The following PCNX1 variants were observed in gnomAD, a reference collection of about 807,000 sequenced individuals.
PCNX1 encodes pecanex-like protein 1.
A neutral mutation model predicts 242.2 loss-of-function variants in PCNX1; 78 were observed. The observed-to-expected ratio is 0.32, with a 90% confidence interval of 0.27 to 0.39. The LOEUF is 0.39. Ranked by LOEUF, PCNX1 falls within the 10% of genes least tolerant of loss-of-function variation. The probability of loss-of-function intolerance (pLI) is 1.00; values close to 1 mark genes in which losing one functional copy is unlikely to be tolerated. For synonymous variants in PCNX1, 1,024 were observed against 1,032.9 expected (o/e 0.99, Z 0.17); for missense variants, 2,581 against 2,856.5 (o/e 0.90, Z 2.20).
intron 12 of PCNX1, among the ~76,000 whole-genome samples, chr14:71,022,559 TGTATG>T (rs2060132929): frequency 6.6e-6 from 1 of 152,126 alleles, no homozygotes; most frequent in South Asian, 2.1e-4. Flanking sequence ...CTAGTGAAAT[TGTATG>T]GTATGCCATT....
At position 71,110,242 on chromosome 14, in the gene PCNX1, TA is replaced by T; in HGVS notation, c.*310del. 1 of 368,842 alleles carries T rather than the reference TA, an allele frequency of 2.7e-6. No homozygotes were observed. Among genetic ancestry groups the T allele is most frequent in the South Asian group, 2.5e-5 (1 of 40,742 alleles). 22.8% of individuals were successfully genotyped at this position (368,842 alleles called of 1,614,324 possible). On this transcript the variant is annotated 3_prime_UTR_variant, in exon 36 of 36. Transcript: ENST00000304743. The stretch of plus-strand genomic sequence containing the variant: ...TTTTTCCTATGCATTGCCTATGCTT[TA>T]AATCAACAAACTCTTCATTTCTAAA...
rs1555379088 is a variant in PCNX1, at chr14:71,098,553, T to TGAGA, written c.5590-3424_5590-3421dup. 2.3e-3 allele frequency among the ~76,000 whole-genome samples: 294 copies of TGAGA among 125,704 alleles called. 1 individual carries two copies. Among genetic ancestry groups the TGAGA allele is most frequent in the South Asian group, 3.4e-3 (13 of 3,838 alleles). 82.5% of individuals were successfully genotyped at this position (125,704 alleles called of 152,430 possible). A position where few individuals can be genotyped will look rare whatever the true frequency, so the allele number is the denominator to read the frequency against. On this transcript the variant is annotated intron_variant, in intron 30 of 35. Coordinates refer to ENST00000304743, the MANE Select transcript of PCNX1 (RefSeq NM_014982.3). ...GTGTGTGTGTGTGTGTGTGTGTGTG[T>TGAGA]GAGAGAGAGAGAGAGAACATTGTAG...
Position 71,028,710 on chromosome 14 carries a change from C to G in PCNX1, c.3477C>G (p.Ser1159Arg). 6.2e-7 allele frequency: 1 copy of G among 1,602,004 alleles called. No individual in the cohort carries two copies. Among genetic ancestry groups the G allele is most frequent in the Non-Finnish European group, 8.5e-7 (1 of 1,173,562 alleles). Residue 1159 changes from serine (S) to arginine (R), a missense_variant, in exon 16 of 36, where the codon AGC becomes AGG. This residue lies in a region of PCNX1 where 432 missense variants were observed against 443.1 expected (regional missense o/e 0.97). Coordinates refer to ENST00000304743, the MANE Select transcript of PCNX1 (RefSeq NM_014982.3). ...IHIFGGNATT[S>R]LLAALYSFIC... ...CCTTTTCCTGTCTAGCCACTACAAG[C>G]CTGCTTGCAGCACTTTACAGTTTTA...
At chr14:70,981,927 T>C (rs2058851706) in intron 6 of PCNX1, among the ~76,000 whole-genome samples, 1 of 152,200 alleles carries the variant, frequency 6.6e-6, no homozygotes, top group African/African-American at 2.4e-5. Context: ...GTGCTTTTTT[T>C]CTGAATTGTT....
intron 8 of PCNX1, among the ~76,000 whole-genome samples, chr14:70,998,300 A>C (rs2059410040): frequency 6.6e-6 from 1 of 152,214 alleles, no homozygotes; most frequent in Non-Finnish European, 1.5e-5. Flanking sequence ...AGAGAACATC[A>C]GACATCATGG....
chr14:71,067,227 G>C (rs528517976), intron 26 of PCNX1, among the ~76,000 whole-genome samples: 2 of 152,224 alleles, frequency 1.3e-5, no homozygotes, highest in South Asian at 4.1e-4. Flanking sequence ...ATTCGGCTGT[G>C]AATCTGTCCA....
chr14:70,932,512 G>T (rs761323434), intron 1 of PCNX1, among the ~76,000 whole-genome samples: 1 of 152,000 alleles, frequency 6.6e-6, no homozygotes, highest in Admixed American at 6.5e-5. Flanking sequence ...TGTGCTAACA[G>T]ACTCTGTTCC....
chr14:71,026,258 G>C lies in PCNX1; in HGVS notation c.3325G>C (p.Val1109Leu), dbSNP rs1228095827. The C allele has an allele frequency of 6.2e-7, 1 of 1,607,514 alleles. No homozygotes were observed. The highest frequency in any genetic ancestry group is 1.7e-5 in the Admixed American group (1 of 59,514). ...LYGITFTNPLVFISARDLVIV... is the reference protein window; with the variant it reads ...LYGITFTNPLLFISARDLVIV... ...TGGAATAACTTTCACCAATCCACTG[G>C]TGTTTATATCAGCCAGGGATTTAGT... is the stretch of plus-strand genomic sequence containing the variant. Residue 1109 changes from valine (V) to leucine (L), a missense_variant, in exon 14 of 36, where the codon GTG (valine) becomes CTG (leucine). This residue lies in a region of PCNX1 where 432 missense variants were observed against 443.1 expected (regional missense o/e 0.97). Transcript: ENST00000304743.
At chr14:71,049,486 TTTACATATTG>T (rs1484392925) in intron 22 of PCNX1, among the ~76,000 whole-genome samples, 2 of 152,216 alleles carry the variant, frequency 1.3e-5, no homozygotes, top group Non-Finnish European at 2.9e-5. Context: ...CCTACCATCC[TTTACATATTG>T]TTACATATTG....
intron 7 of PCNX1, among the ~76,000 whole-genome samples, chr14:70,992,638 GA>G (rs1312075400): frequency 1.3e-5 from 2 of 152,200 alleles, no homozygotes; most frequent in Non-Finnish European, 2.9e-5. Flanking sequence ...ATTCATAGTA[GA>G]AAAGTTAACA....
At position 70,907,721 on chromosome 14, in the gene PCNX1, C is replaced by T. The variant is rs1240007215; in HGVS notation, c.-130C>T. ...GCAGCACCAGCGACCGCCGAAGCGC[C>T]GGCTCGCTCACCCGGAGCTCCGGAG... On this transcript the variant is annotated 5_prime_UTR_variant, in exon 1 of 36. Coordinates refer to ENST00000304743, the MANE Select transcript of PCNX1 (RefSeq NM_014982.3). 27 of 1,107,438 alleles carry T rather than the reference C, an allele frequency of 2.4e-5. No individual in the cohort carries two copies. The highest frequency in any genetic ancestry group is 2.9e-5 in the Non-Finnish European group (26 of 893,342). The allele number at this position is 1,107,438 out of a possible 1,614,324, so 68.6% of individuals were successfully genotyped here.
intron 33 of PCNX1, 51 bp downstream of exon 33, chr14:71,105,491 G>C (rs767147856): frequency 7.2e-7 from 1 of 1,388,028 alleles, no homozygotes; most frequent in Non-Finnish European, 1.0e-6. Context: ...AGCCATAGAG[G>C]CTGGTTAGTA....
intron 6 of PCNX1, among the ~76,000 whole-genome samples, chr14:70,979,652 A>C (rs2058778752): frequency 6.6e-6 from 1 of 152,140 alleles, no homozygotes; most frequent in East Asian, 1.9e-4. Context: ...ATTAAAAGTT[A>C]AGCTGGATTT....
chr14:71,022,370 C>G (rs1053227306), intron 12 of PCNX1, among the ~76,000 whole-genome samples: 2 of 152,034 alleles, frequency 1.3e-5, no homozygotes, highest in African/African-American at 4.8e-5. Context: ...AACTAGTTGA[C>G]TAGAAGAATA....
At chr14:71,028,553 AATG>A (rs2060298143) in intron 15 of PCNX1, 144 bp from the exon 16 acceptor site, 2 of 545,300 alleles carry the variant, frequency 3.7e-6, no homozygotes, top group South Asian at 5.3e-5. Flanking sequence ...TGAAAGAAAT[AATG>A]AAGTAACTGA....
chr14:71,102,278 A>C, intron 31 of PCNX1, 58 bp downstream of exon 31: 1 of 1,409,368 alleles, frequency 7.1e-7, no homozygotes, highest in South Asian at 1.2e-5. Context: ...ACTTGATCTA[A>C]AATTTTTTTT....
rs1297094794 is a variant in PCNX1 at position 71,103,668 on chromosome 14, A to T, written c.6094A>T (p.Arg2032Trp). Reference protein sequence around the residue: ...IRNFIVSTWHRLRKGCGAGCN... With the variant: ...IRNFIVSTWHWLRKGCGAGCN... ...GAACTTCATAGTGTCAACCTGGCAC[A>T]GGTGAGCCAAGGGATTGTATTATTC... The change falls in exon 32 of 36, where the codon AGG becomes TGG. Residue 2032 changes from arginine (R) to tryptophan (W), a missense_variant and splice_region_variant. Coordinates refer to ENST00000304743, the MANE Select transcript of PCNX1 (RefSeq NM_014982.3). 1 of 1,613,780 alleles carries T rather than the reference A, an allele frequency of 6.2e-7. No homozygotes were observed. The highest frequency in any genetic ancestry group is 8.5e-7 in the Non-Finnish European group (1 of 1,179,790).
chr14:70,999,966 A>T (rs1239369625), intron 8 of PCNX1, among the ~76,000 whole-genome samples: 2 of 152,160 alleles, frequency 1.3e-5, no homozygotes. Context: ...TTAATATGTC[A>T]GTTCCTTATG....
intron 18 of PCNX1, among the ~76,000 whole-genome samples, chr14:71,035,810 GAGGC>G (rs2060513660): frequency 6.6e-6 from 1 of 152,212 alleles, no homozygotes; most frequent in Admixed American, 6.5e-5. Context: ...CTGGGAGGCT[GAGGC>G]AGGAGAATCG....
Sources: gnomAD v4.1 joint callset for allele counts (sites outside exome capture counted in the v4.1 genomes callset) on GRCh38, gnomAD v4.1.1 for gene constraint, gnomAD v4.1.1 regional missense constraint, MANE v1.5 for transcripts, NCBI Gene and HGNC (gene_info 2026-07-23, HGNC 2026-07-21) for gene names.